LINGO2: variants seen among roughly 807,000 people sequenced by gnomAD.
LINGO2 encodes the protein leucine rich repeat and Ig domain containing 2.
In LINGO2, 14 loss-of-function variants were observed where a neutral mutation model predicts 30.6. The ratio of observed to expected loss-of-function variants is 0.46; its 90% CI spans 0.30 to 0.72. The LOEUF (loss-of-function observed/expected upper bound fraction) is 0.72, where lower values mean the gene tolerates loss of function less well. Among genes scored for constraint, LINGO2 ranks in the 30% least tolerant of loss-of-function variants. The probability of loss-of-function intolerance (pLI) is 0.07; values close to 1 mark genes in which losing one functional copy is unlikely to be tolerated. For synonymous variants in LINGO2, 317 were observed against 288.5 expected (o/e 1.10, Z -1.00); for missense variants, 729 against 751.7 (o/e 0.97, Z 0.35).
the LINGO2 span, among the ~76,000 whole-genome samples, chr9:29,094,264 T>G: frequency 0.26 from 36,193 of 137,698 alleles, 9,529 homozygotes; most frequent in African/African-American, 0.33. Flanking sequence ...AGAGGTGATT[T>G]AACCCTCTTT....
the LINGO2 span, among the ~76,000 whole-genome samples, chr9:28,827,617 C>T: frequency 6.6e-6 from 1 of 152,030 alleles, no homozygotes; most frequent in Admixed American, 6.6e-5. Flanking sequence ...GATTTAAGGA[C>T]AATTTGACAA....
chr9:28,209,369 AC>A (rs1357300452), intron 4 of LINGO2, among the ~76,000 whole-genome samples: 1 of 151,830 alleles, frequency 6.6e-6, no homozygotes, highest in African/African-American at 2.4e-5. Context: ...TAAATTCAAG[AC>A]ACTTCCCACT....
chr9:28,214,083 TTAGA>T (rs1177825242), intron 4 of LINGO2, among the ~76,000 whole-genome samples: 2 of 151,542 alleles, frequency 1.3e-5, no homozygotes, highest in African/African-American at 4.8e-5. Flanking sequence ...CTTTGAAGTA[TTAGA>T]TAGGAGGATA....
chr9:28,848,397 G>GTGTGTA, the LINGO2 span, among the ~76,000 whole-genome samples: 15 of 48,436 alleles, frequency 3.1e-4, no homozygotes, highest in East Asian at 2.2e-3. Flanking sequence ...GTGTGTGTGT[G>GTGTGTA]TATATATATA....
chr9:27,943,117 CTTATA>C (rs1823230163), downstream of LINGO2: 1 of 152,016 alleles, frequency 6.6e-6, no homozygotes, highest in Admixed American at 6.6e-5. Context: ...TATTATTTAT[CTTATA>C]TTGTTGATTT....
intron 3 of LINGO2, among the ~76,000 whole-genome samples, chr9:28,335,068 C>T (rs1825546772): frequency 6.6e-6 from 1 of 152,090 alleles, no homozygotes; most frequent in Admixed American, 6.6e-5. Context: ...TTCATATTCA[C>T]TACAATTATA....
chr9:28,999,677 C>A, the LINGO2 span, among the ~76,000 whole-genome samples: 1 of 151,596 alleles, frequency 6.6e-6, no homozygotes, highest in East Asian at 1.9e-4. Flanking sequence ...ATGTTTGATA[C>A]AATAAATTAA....
chr9:29,190,688 A>T, the LINGO2 span, among the ~76,000 whole-genome samples: 1 of 152,218 alleles, frequency 6.6e-6, no homozygotes, highest in African/African-American at 2.4e-5. Flanking sequence ...ACCAATAAGG[A>T]CACCATAACC....
chr9:28,937,132 G>C, the LINGO2 span, among the ~76,000 whole-genome samples: 5 of 152,010 alleles, frequency 3.3e-5, no homozygotes, highest in African/African-American at 7.2e-5. Flanking sequence ...TGGATTTGGG[G>C]ACCATAATCT....
At chr9:28,078,781 G>A (rs1212045362) in intron 4 of LINGO2, among the ~76,000 whole-genome samples, 1 of 147,818 alleles carries the variant, frequency 6.8e-6, no homozygotes, top group African/African-American at 2.7e-5. Context: ...CTGGGAGGCA[G>A]AGGTGGCAGT....
the LINGO2 span, among the ~76,000 whole-genome samples, chr9:28,934,032 G>T: frequency 2.0e-5 from 3 of 152,236 alleles, no homozygotes; most frequent in East Asian, 5.8e-4. Flanking sequence ...GGGACATAAG[G>T]TATAGGGGTG....
the LINGO2 span, among the ~76,000 whole-genome samples, chr9:28,765,540 T>C: frequency 3.9e-5 from 6 of 152,168 alleles, no homozygotes; most frequent in East Asian, 9.7e-4. Flanking sequence ...GAGCTCTTGC[T>C]CTGGAGAGAT....
At chr9:28,632,865 T>G (rs1563879034) in intron 1 of LINGO2, among the ~76,000 whole-genome samples, 3 of 108,102 alleles carry the variant, frequency 2.8e-5, no homozygotes, top group African/African-American at 4.0e-5. Flanking sequence ...TTTATATATA[T>G]ATATATATAT....
intron 2 of LINGO2, among the ~76,000 whole-genome samples, chr9:28,411,747 C>G (rs1822773467): frequency 1.3e-5 from 2 of 152,032 alleles, no homozygotes; most frequent in African/African-American, 4.8e-5. Context: ...AAATATTCTT[C>G]AAGATCTTGC....
chr9:28,801,399 C>T, the LINGO2 span, among the ~76,000 whole-genome samples: 1 of 152,116 alleles, frequency 6.6e-6, no homozygotes, highest in Admixed American at 6.6e-5. Flanking sequence ...GATTGGTAAA[C>T]AATTTTTCAA....
chr9:28,790,743 A>G, the LINGO2 span, among the ~76,000 whole-genome samples: 1 of 152,170 alleles, frequency 6.6e-6, no homozygotes, highest in Admixed American at 6.5e-5. Context: ...TTATTATAGT[A>G]TATTGTTATA....
the LINGO2 span, among the ~76,000 whole-genome samples, chr9:28,812,750 T>C: frequency 5.3e-5 from 8 of 152,114 alleles, no homozygotes; most frequent in African/African-American, 1.9e-4. Flanking sequence ...ATTTATTTGG[T>C]TGAGATAAAA....
chr9:28,725,010 AAAAG>A, the LINGO2 span, among the ~76,000 whole-genome samples: 2 of 152,128 alleles, frequency 1.3e-5, no homozygotes, highest in Non-Finnish European at 2.9e-5. Flanking sequence ...TAAACAGAAA[AAAAG>A]AAGACAAAAA....
At chr9:28,333,782 G>A (rs1219965140) in intron 3 of LINGO2, among the ~76,000 whole-genome samples, 3 of 152,062 alleles carry the variant, frequency 2.0e-5, no homozygotes, top group East Asian at 1.9e-4. Context: ...ATATTCGAAC[G>A]GGGTATCATC....
Sources: gnomAD v4.1 joint callset for allele counts (sites outside exome capture counted in the v4.1 genomes callset) on GRCh38, gnomAD v4.1.1 for gene constraint, MANE v1.5 for transcripts, NCBI Gene and HGNC (gene_info 2026-07-23, HGNC 2026-07-21) for gene names.